ANK3: variants seen among roughly 807,000 people sequenced by gnomAD.
ANK3 encodes the protein ankyrin 3.
Under a neutral mutation model 370.9 loss-of-function variants are expected in ANK3, and 57 were observed. The ratio of observed to expected loss-of-function variants is 0.15; its 90% CI spans 0.12 to 0.19. The LOEUF (loss-of-function observed/expected upper bound fraction) is 0.19. ANK3 is among the 10% of genes least tolerant of loss of function. The probability of loss-of-function intolerance (pLI) is 1.00; values close to 1 mark genes in which losing one functional copy is unlikely to be tolerated. For missense variants in ANK3, 4,439 were observed against 5,302.1 expected (o/e 0.84, Z 5.06); for synonymous variants, 1,929 against 1,946.3 (o/e 0.99, Z 0.23).
chr10:60,191,245 T>C (rs77203229), intron 16 of ANK3, among the ~76,000 whole-genome samples: 10,071 of 151,972 alleles, frequency 0.066, 436 homozygotes, highest in Admixed American at 0.13. Context: ...GGGACTTAAG[T>C]AAACTAAAAA....
chr10:60,263,976 G>A lies in ANK3; in HGVS notation c.558C>T (p.Asp186=), dbSNP rs763572409. ...PLAVALQQGH[D]QVVSLLLEND... is the part of the protein sequence containing the mutation. ...TCTCTAGCAGGAGCGAAACGACTTG[G>A]TCGTGACCTTGTTGCAAAGCCACTG... is the stretch of plus-strand genomic sequence containing the variant. The change falls in exon 6 of 44, where the codon GAC becomes GAT. Residue 186 remains aspartate (D), a synonymous_variant. Transcript: ENST00000280772. The A allele has an allele frequency of 2.5e-6, 4 of 1,613,990 alleles. No homozygotes were observed. Among genetic ancestry groups the A allele is most frequent in the South Asian group, 2.2e-5 (2 of 91,090 alleles).
rs1481022721 is a variant in ANK3 at position 60,140,794 on chromosome 10, C to G, written c.2615-1707G>C. The G allele has an allele frequency of 3.0e-6, 3 of 1,011,084 alleles. No homozygotes were observed. In the African/African-American group the frequency reaches 5.2e-5, roughly 17 times the overall value. 62.6% of individuals were successfully genotyped at this position (1,011,084 alleles called of 1,614,324 possible). A position where few individuals can be genotyped will look rare whatever the true frequency, so the allele number is the denominator to read the frequency against. ...TGAGGACTGCTCCGGTGTAGACTTTCGGTAATTTGATACCAATGCGCGTTG... is the reference window on the plus strand; with the variant it reads ...TGAGGACTGCTCCGGTGTAGACTTTGGGTAATTTGATACCAATGCGCGTTG... On this transcript the variant is annotated intron_variant, in intron 23 of 43. Transcript: ENST00000280772.
chr10:60,065,503 T>C (rs539914821), intron 38 of ANK3, among the ~76,000 whole-genome samples: 1 of 152,338 alleles, frequency 6.6e-6, no homozygotes, highest in East Asian at 1.9e-4. Flanking sequence ...AAAAAGTCCA[T>C]TATCTTTTGA....
At chr10:60,727,934 G>GT (rs2079965465) in intron 1 of ANK3, among the ~76,000 whole-genome samples, 1 of 152,026 alleles carries the variant, frequency 6.6e-6, no homozygotes, top group African/African-American at 2.4e-5. Context: ...TGTCACATAA[G>GT]TTTGAAAAAA....
intron 1 of ANK3, among the ~76,000 whole-genome samples, chr10:60,385,782 T>A (rs986717316): frequency 5.3e-5 from 8 of 152,190 alleles, no homozygotes; most frequent in African/African-American, 1.9e-4. Flanking sequence ...TTTCCTTTTT[T>A]AATATAAATT....
intron 2 of ANK3, among the ~76,000 whole-genome samples, chr10:60,517,459 A>C (rs1309781545): frequency 6.6e-6 from 1 of 152,064 alleles, no homozygotes; most frequent in East Asian, 1.9e-4. Context: ...GCTCCATCTC[A>C]TCTGAAACGA....
At chr10:60,206,426 T>A (rs2096763966) in intron 10 of ANK3, among the ~76,000 whole-genome samples, 1 of 152,210 alleles carries the variant, frequency 6.6e-6, no homozygotes, top group Admixed American at 6.5e-5. Flanking sequence ...TGAGCCGAGA[T>A]TGTGCCATTG....
intron 38 of ANK3, among the ~76,000 whole-genome samples, chr10:60,064,523 T>C (rs2081232926): frequency 6.6e-6 from 1 of 152,068 alleles, no homozygotes; most frequent in South Asian, 2.1e-4. Flanking sequence ...TTAGAGACCA[T>C]CTTATAAAGA....
At chr10:60,170,644 G>A (rs1055206792) in intron 21 of ANK3, among the ~76,000 whole-genome samples, 1 of 152,132 alleles carries the variant, frequency 6.6e-6, no homozygotes, top group Non-Finnish European at 1.5e-5. Context: ...CTCTTTTGCA[G>A]AAAGTCATCA....
At chr10:60,499,876 C>T (rs575880428) in intron 2 of ANK3, among the ~76,000 whole-genome samples, 1 of 152,340 alleles carries the variant, frequency 6.6e-6, no homozygotes, top group South Asian at 2.1e-4. Flanking sequence ...GGACAATCTG[C>T]TTTGTCCATA....
chr10:60,470,270 G>T (rs952634810), intron 2 of ANK3, among the ~76,000 whole-genome samples: 1 of 151,986 alleles, frequency 6.6e-6, no homozygotes, highest in African/African-American at 2.4e-5. Context: ...CGTCATTTTG[G>T]GTAACTGTGT....
intron 2 of ANK3, among the ~76,000 whole-genome samples, chr10:60,495,748 T>C (rs979736427): frequency 6.6e-5 from 10 of 152,120 alleles, no homozygotes; most frequent in African/African-American, 1.9e-4. Flanking sequence ...GGAAATCAAT[T>C]TGCAATTTTA....
At chr10:60,396,446 T>C (rs1210934322) in intron 2 of ANK3, among the ~76,000 whole-genome samples, 1 of 152,238 alleles carries the variant, frequency 6.6e-6, no homozygotes, top group Admixed American at 6.5e-5. Flanking sequence ...TCAATTCAAA[T>C]ATACTTATTA....
At chr10:60,471,609 C>T (rs1270029165) in intron 2 of ANK3, among the ~76,000 whole-genome samples, 1 of 152,012 alleles carries the variant, frequency 6.6e-6, no homozygotes, top group Non-Finnish European at 1.5e-5. Flanking sequence ...ACATTCATAG[C>T]AGTGAAATTG....
chr10:60,133,482 T>C (rs2094194926), intron 25 of ANK3, among the ~76,000 whole-genome samples: 1 of 152,198 alleles, frequency 6.6e-6, no homozygotes, highest in Non-Finnish European at 1.5e-5. Context: ...GCAGAGATTC[T>C]GGTAGAAAGC....
intron 8 of ANK3, among the ~76,000 whole-genome samples, chr10:60,226,550 CT>C (rs796592758): frequency 1.1e-3 from 11 of 10,376 alleles, no homozygotes; most frequent in East Asian, 9.8e-3. Context: ...AGTATATATA[CT>C]ATAGTATATA....
At chr10:60,588,851 A>G (rs1370088803) in intron 2 of ANK3, among the ~76,000 whole-genome samples, 1 of 152,208 alleles carries the variant, frequency 6.6e-6, no homozygotes, top group Non-Finnish European at 1.5e-5. Flanking sequence ...TTGAGGCTGC[A>G]GTGAGCCATG....
chr10:60,241,651 T>C (rs1444411953), intron 7 of ANK3, among the ~76,000 whole-genome samples: 1 of 152,200 alleles, frequency 6.6e-6, no homozygotes, highest in Non-Finnish European at 1.5e-5. Flanking sequence ...ACCGGCACAA[T>C]AGCATCTTAT....
intron 17 of ANK3, among the ~76,000 whole-genome samples, chr10:60,185,150 T>A (rs1274407102): frequency 6.6e-6 from 1 of 151,992 alleles, no homozygotes; most frequent in Admixed American, 6.6e-5. Flanking sequence ...AAGAAAAAAA[T>A]AAAATTAAAA....
Sources: gnomAD v4.1 joint callset for allele counts (sites outside exome capture counted in the v4.1 genomes callset) on GRCh38, gnomAD v4.1.1 for gene constraint, MANE v1.5 for transcripts, NCBI Gene and HGNC (gene_info 2026-07-23, HGNC 2026-07-21) for gene names.